Variants in ITPR1 observed in about 807,000 individuals in gnomAD.
ITPR1 encodes inositol 1,4,5-trisphosphate receptor type 1.
ITPR1 carries 96 observed loss-of-function variants against 318.4 expected under a neutral mutation model. The observed-to-expected ratio is 0.30, with a 90% confidence interval of 0.26 to 0.36. The LOEUF (loss-of-function observed/expected upper bound fraction) is 0.36, where lower values mean the gene tolerates loss of function less well. ITPR1 is among the 10% of genes least tolerant of loss of function. The pLI, the probability that ITPR1 is intolerant of heterozygous loss-of-function variation, is 1.00. For synonymous variants in ITPR1, 1,312 were observed against 1,289.9 expected, an observed-to-expected ratio of 1.02 and a Z score of -0.37; for missense variants, 2,440 against 3,460.2, an observed-to-expected ratio of 0.71 and a Z score of 7.40.
chr3:4,771,163 T>C (rs1385179474), intron 46 of ITPR1, among the ~76,000 whole-genome samples: 1 of 152,200 alleles, frequency 6.6e-6, no homozygotes, highest in African/African-American at 2.4e-5. Context: ...AGTGAATCCC[T>C]GCTCTGTGCC....
chr3:4,621,968 TC>T, intron 4 of ITPR1, among the ~76,000 whole-genome samples: 1 of 152,298 alleles, frequency 6.6e-6, no homozygotes, highest in South Asian at 2.1e-4. Flanking sequence ...AAATTTTGCC[TC>T]CATAGTACTT....
intron 39 of ITPR1, 29 bp downstream of exon 39, chr3:4,711,897 C>G (rs1308242866): frequency 8.1e-7 from 1 of 1,229,830 alleles, no homozygotes; most frequent in South Asian, 1.5e-5. Flanking sequence ...ATGGTCAAAC[C>G]AGGTTTTACT....
chr3:4,691,590 G>A (rs1157138536), intron 32 of ITPR1, among the ~76,000 whole-genome samples: 1 of 152,146 alleles, frequency 6.6e-6, no homozygotes, highest in East Asian at 1.9e-4. Context: ...TCTGACAGGG[G>A]ACAGAAAGAG....
chr3:4,808,774 T>C (rs529058110), intron 55 of ITPR1, among the ~76,000 whole-genome samples: 87 of 152,250 alleles, frequency 5.7e-4, no homozygotes, highest in African/African-American at 2.0e-3. Context: ...GGAACACCCA[T>C]GTGTTCCAGA....
At chr3:4,726,240 G>A (rs2042504739) in intron 41 of ITPR1, among the ~76,000 whole-genome samples, 1 of 151,768 alleles carries the variant, frequency 6.6e-6, no homozygotes, top group African/African-American at 2.4e-5. Flanking sequence ...GTGTTGGCCA[G>A]CCTGGTCTCA....
chr3:4,782,616 C>T lies in ITPR1; in HGVS notation c.6388-3C>T. On this transcript the variant is annotated splice_polypyrimidine_tract_variant and splice_region_variant and intron_variant, in intron 49 of 61. Coordinates refer to ENST00000649015, the MANE Select transcript of ITPR1 (RefSeq NM_001378452.1). Reference sequence around the variant, plus strand: ...ATTTTTGTTCCCTTGGCTCTTCTTGCAGGTGGAAGTGATCAAGAAAGCCTA... The same window carrying T: ...ATTTTTGTTCCCTTGGCTCTTCTTGTAGGTGGAAGTGATCAAGAAAGCCTA... 6.2e-7 allele frequency: 1 copy of T among 1,601,726 alleles called. No individual in the cohort carries two copies. Among genetic ancestry groups the T allele is most frequent in the East Asian group, 2.3e-5 (1 of 44,114 alleles).
intron 4 of ITPR1, among the ~76,000 whole-genome samples, chr3:4,532,770 G>T (rs998003638): frequency 3.9e-5 from 6 of 152,214 alleles, no homozygotes; most frequent in African/African-American, 1.2e-4. Context: ...ATAGAAGACA[G>T]ATGTTCTGAG....
intron 44 of ITPR1, among the ~76,000 whole-genome samples, chr3:4,737,153 T>C (rs2043333521): frequency 6.6e-6 from 1 of 152,168 alleles, no homozygotes; most frequent in Admixed American, 6.5e-5. Flanking sequence ...TAGGTTGTTA[T>C]TCCTTCCCTT....
At chr3:4,645,541 A>T in intron 9 of ITPR1, 41 bp from the exon 10 acceptor site, 4 of 1,608,722 alleles carry the variant, frequency 2.5e-6, no homozygotes, top group Non-Finnish European at 3.4e-6. Context: ...TTCTCTTTTT[A>T]AATTCTTTTT....
chr3:4,743,845 G>C (rs1366608778), intron 44 of ITPR1, among the ~76,000 whole-genome samples: 1 of 152,192 alleles, frequency 6.6e-6, no homozygotes, highest in Non-Finnish European at 1.5e-5. Context: ...CTGTTTGTTT[G>C]TTTGTTTGAG....
chr3:4,510,526 T>G (rs2081733074), intron 2 of ITPR1, among the ~76,000 whole-genome samples: 1 of 152,166 alleles, frequency 6.6e-6, no homozygotes, highest in Non-Finnish European at 1.5e-5. Flanking sequence ...AAGCTTAAAG[T>G]CAGCAAAAAT....
At chr3:4,494,288 AC>A (rs2080381204) in intron 1 of ITPR1, 142 bp from the exon 2 acceptor site, 1 of 152,378 alleles carries the variant, frequency 6.6e-6, no homozygotes, top group Non-Finnish European at 1.5e-5. Context: ...GATCCCACCA[AC>A]CTGCCTACCA....
chr3:4,755,494 C>G (rs189943750), intron 44 of ITPR1, among the ~76,000 whole-genome samples: 1 of 151,900 alleles, frequency 6.6e-6, no homozygotes, highest in East Asian at 1.9e-4. Context: ...CCACCTTGGC[C>G]TCCGGAAGTG....
intron 4 of ITPR1, among the ~76,000 whole-genome samples, chr3:4,551,694 A>T (rs2085583254): frequency 6.6e-6 from 1 of 152,242 alleles, no homozygotes; most frequent in Non-Finnish European, 1.5e-5. Flanking sequence ...AGTGGGCTAG[A>T]TACAGATAAT....
intron 4 of ITPR1, among the ~76,000 whole-genome samples, chr3:4,607,592 G>C (rs1468493517): frequency 6.6e-6 from 1 of 152,102 alleles, no homozygotes; most frequent in Non-Finnish European, 1.5e-5. Flanking sequence ...GCTCAAATCA[G>C]CCTCCCAGAG....
At chr3:4,692,207 T>G (rs867635180) in intron 32 of ITPR1, among the ~76,000 whole-genome samples, 4 of 151,686 alleles carry the variant, frequency 2.6e-5, no homozygotes, top group Middle Eastern at 3.4e-3. Flanking sequence ...CCTGAACCCC[T>G]TCACTGAAGG....
chr3:4,522,199 A>G (rs1375150818), intron 4 of ITPR1, among the ~76,000 whole-genome samples: 1 of 152,178 alleles, frequency 6.6e-6, no homozygotes, highest in Non-Finnish European at 1.5e-5. Flanking sequence ...TAAATTATTT[A>G]TCAATTAAGG....
intron 60 of ITPR1, among the ~76,000 whole-genome samples, chr3:4,830,692 T>C (rs1208007986): frequency 6.6e-6 from 1 of 152,196 alleles, no homozygotes; most frequent in African/African-American, 2.4e-5. Context: ...TTTGTCTTCC[T>C]GCCTAGTGAG....
intron 10 of ITPR1, among the ~76,000 whole-genome samples, chr3:4,648,045 G>A (rs982538481): frequency 2.6e-5 from 4 of 152,106 alleles, no homozygotes; most frequent in Admixed American, 6.6e-5. Context: ...CCAGCTACTC[G>A]GGAGGCTGAG....
Sources: allele counts gnomAD v4.1 joint callset (sites outside exome capture counted in the v4.1 genomes callset), GRCh38; gene constraint gnomAD v4.1.1; transcripts MANE v1.5; gene names NCBI Gene and HGNC (gene_info 2026-07-23, HGNC 2026-07-21).